Variants in AFF3 observed in about 807,000 individuals in gnomAD.
AFF3 encodes the protein ALF transcription elongation factor 3, also known as AF4/FMR2 family member 3.
Under a neutral mutation model 129.7 loss-of-function variants are expected in AFF3, and 32 were observed. The ratio of observed to expected loss-of-function variants is 0.25; its 90% CI spans 0.19 to 0.33. AFF3 has a LOEUF of 0.33. AFF3 is among the 10% of genes least tolerant of loss of function. The pLI is 1.00. For synonymous variants in AFF3, 644 were observed against 635.4 expected, an observed-to-expected ratio of 1.01 and a Z score of -0.20; for missense variants, 1,373 against 1,592.0, an observed-to-expected ratio of 0.86 and a Z score of 2.34.
intron 13 of AFF3, among the ~76,000 whole-genome samples, chr2:99,628,633 T>C (rs1355301857): frequency 6.6e-6 from 1 of 151,822 alleles, no homozygotes; most frequent in African/African-American, 2.4e-5. Flanking sequence ...CTTGGCTCAC[T>C]GCAACTGCCA....
chr2:99,943,002 T>G (rs1675203698), intron 7 of AFF3, among the ~76,000 whole-genome samples: 1 of 152,120 alleles, frequency 6.6e-6, no homozygotes, highest in Non-Finnish European at 1.5e-5. Context: ...AAACCATTTT[T>G]CAGCAGCACT....
At chr2:99,854,635 C>T (rs530667009) in intron 7 of AFF3, among the ~76,000 whole-genome samples, 20 of 152,246 alleles carry the variant, frequency 1.3e-4, no homozygotes, top group African/African-American at 4.1e-4. Context: ...TGTTCTCTAA[C>T]GTGGGGTGCT....
At chr2:99,600,650 G>C (rs1679740159) in intron 14 of AFF3, among the ~76,000 whole-genome samples, 1 of 152,122 alleles carries the variant, frequency 6.6e-6, no homozygotes, top group Non-Finnish European at 1.5e-5. Context: ...CACTCAAGAA[G>C]AAACTCTATT....
intron 4 of AFF3, among the ~76,000 whole-genome samples, chr2:100,018,197 T>C (rs566670895): frequency 6.6e-6 from 1 of 152,242 alleles, no homozygotes; most frequent in Non-Finnish European, 1.5e-5. Flanking sequence ...GACTCGCCCA[T>C]TTTACCGATT....
At chr2:99,776,382 A>T (rs969426025) in intron 8 of AFF3, among the ~76,000 whole-genome samples, 1 of 152,230 alleles carries the variant, frequency 6.6e-6, no homozygotes, top group South Asian at 2.1e-4. Flanking sequence ...AAAGTTCCAG[A>T]TGAGGCACAT....
intron 15 of AFF3, among the ~76,000 whole-genome samples, chr2:99,588,156 C>T (rs987706942): frequency 2.6e-5 from 4 of 152,006 alleles, no homozygotes; most frequent in African/African-American, 9.7e-5. Flanking sequence ...TTGATTGGAT[C>T]CTTGTTGCCA....
At chr2:99,883,907 A>C (rs1439674559) in intron 7 of AFF3, among the ~76,000 whole-genome samples, 1 of 152,202 alleles carries the variant, frequency 6.6e-6, no homozygotes, top group Non-Finnish European at 1.5e-5. Context: ...TCTCTATTTC[A>C]GGGGCCTTGT....
intron 8 of AFF3, among the ~76,000 whole-genome samples, chr2:99,769,858 T>G (rs1425408131): frequency 1.3e-5 from 2 of 152,164 alleles, no homozygotes; most frequent in Non-Finnish European, 2.9e-5. Context: ...AGTCTCTCTT[T>G]CTCCCTGTGC....
chr2:99,702,559 C>T (rs1329750120), intron 11 of AFF3, among the ~76,000 whole-genome samples: 10 of 152,100 alleles, frequency 6.6e-5, no homozygotes, highest in South Asian at 2.1e-4. Context: ...AGGCTGGTCT[C>T]GAACCCCTGA....
chr2:99,642,805 G>C (rs150140199), intron 13 of AFF3, among the ~76,000 whole-genome samples: 363 of 152,244 alleles, frequency 2.4e-3, no homozygotes, highest in Non-Finnish European at 4.2e-3. Flanking sequence ...CCCTGGGTGA[G>C]TTGCATCACC....
Position 100,006,708 on chromosome 2 carries a change from C to T in AFF3, c.797G>A (p.Gly266Glu). 1 of 1,614,228 alleles carries T rather than the reference C, an allele frequency of 6.2e-7. No homozygotes were observed. Residue 266 changes from glycine to glutamate, a missense_variant, in exon 7 of 25, where the codon GGA becomes GAA. Gly to Glu is a moderately conservative substitution (Grantham distance 98). Transcript: ENST00000672756. The part of the protein sequence containing the change: ...ETSVHCTSYR[G>E]VPASKPEPAR... ...AGGCTCCGGCTTGCTGGCAGGGACT[C>T]CCCTGTATGATGTGCAGTGCACGCT...
chr2:100,049,883 T>G (rs577353846), intron 4 of AFF3, among the ~76,000 whole-genome samples: 1 of 152,306 alleles, frequency 6.6e-6, no homozygotes, highest in South Asian at 2.1e-4. Flanking sequence ...CTATTCTGAA[T>G]GTAAGCTTTC....
At chr2:99,681,962 A>G (rs914496682) in intron 11 of AFF3, among the ~76,000 whole-genome samples, 9 of 146,332 alleles carry the variant, frequency 6.2e-5, no homozygotes, top group African/African-American at 2.3e-4. Flanking sequence ...GCTGGAGTGC[A>G]ATGGTGCATC....
At chr2:99,717,010 T>C (rs577250773) in intron 11 of AFF3, among the ~76,000 whole-genome samples, 1 of 152,212 alleles carries the variant, frequency 6.6e-6, no homozygotes, top group Non-Finnish European at 1.5e-5. Context: ...TACACTCTTA[T>C]GTGTCTGGCT....
chr2:99,650,211 A>C (rs1685107684), intron 12 of AFF3, among the ~76,000 whole-genome samples: 1 of 152,198 alleles, frequency 6.6e-6, no homozygotes, highest in Admixed American at 6.5e-5. Flanking sequence ...TTTAAAATTC[A>C]CATTGAAATG....
At chr2:99,565,647 G>A (rs775968269) in intron 19 of AFF3, 24 bp from the exon 20 acceptor site, 1 of 1,602,396 alleles carries the variant, frequency 6.2e-7, no homozygotes, top group Admixed American at 1.7e-5. Flanking sequence ...TTAATACAGT[G>A]TCTTCCTAAA....
At chr2:100,066,501 T>G (rs1049952443) in intron 4 of AFF3, among the ~76,000 whole-genome samples, 3 of 152,188 alleles carry the variant, frequency 2.0e-5, no homozygotes, top group Admixed American at 2.0e-4. Flanking sequence ...CTTAAATGTG[T>G]TTTATTAACT....
At chr2:99,657,803 T>G (rs1407789066) in intron 12 of AFF3, among the ~76,000 whole-genome samples, 1 of 152,172 alleles carries the variant, frequency 6.6e-6, no homozygotes, top group Admixed American at 6.5e-5. Context: ...AAATGCTGAT[T>G]AGGGTTGACC....
At chr2:99,828,237 T>C (rs183558295) in intron 8 of AFF3, among the ~76,000 whole-genome samples, 117 of 152,310 alleles carry the variant, frequency 7.7e-4, no homozygotes, top group African/African-American at 1.8e-3. Flanking sequence ...GACTGAAGGA[T>C]ACTCTTCAAG....
Sources: allele counts gnomAD v4.1 joint callset (sites outside exome capture counted in the v4.1 genomes callset), GRCh38; gene constraint gnomAD v4.1.1; transcripts MANE v1.5; gene names NCBI Gene and HGNC (gene_info 2026-07-23, HGNC 2026-07-21).